The following MLLT1 variants were observed in gnomAD, a reference collection of about 807,000 sequenced individuals.
The protein encoded by MLLT1 is protein ENL.
A neutral mutation model predicts 55.1 loss-of-function variants in MLLT1; 11 were observed. The ratio of observed to expected loss-of-function variants is 0.20; its 90% CI spans 0.13 to 0.33. The LOEUF (loss-of-function observed/expected upper bound fraction) is 0.33, where lower values mean the gene tolerates loss of function less well. Ranked by LOEUF, MLLT1 falls within the 10% of genes least tolerant of loss-of-function variation. MLLT1 has a pLI of 1.00. For missense variants in MLLT1, 536 were observed against 760.6 expected (o/e 0.70, Z 3.47); for synonymous variants, 323 against 320.1 (o/e 1.01, Z -0.10).
intron 5 of MLLT1, among the ~76,000 whole-genome samples, chr19:6,223,846 C>T (rs1417017517): frequency 1.3e-5 from 2 of 152,192 alleles, no homozygotes; most frequent in Non-Finnish European, 2.9e-5. Flanking sequence ...TGTTAGCCAC[C>T]AGGGGCTCCA....
chr19:6,248,049 C>T (rs1409498855), intron 3 of MLLT1, among the ~76,000 whole-genome samples: 1 of 152,176 alleles, frequency 6.6e-6, no homozygotes, highest in Non-Finnish European at 1.5e-5. Flanking sequence ...CGCCACCACG[C>T]CCTGCTAATT....
chr19:6,250,068 A>G (rs1459652703), intron 3 of MLLT1, among the ~76,000 whole-genome samples: 1 of 152,218 alleles, frequency 6.6e-6, no homozygotes, highest in Non-Finnish European at 1.5e-5. Flanking sequence ...CTCAAAAAGA[A>G]AAACAACCCA....
rs2091048824 is a variant in MLLT1, at chr19:6,235,270, T to TGGCTGGGGGGCATCCTCGTGCAGAAA, written c.277-4583_277-4558dup. Among the ~76,000 whole-genome samples, 1 of 152,182 alleles carries TGGCTGGGGGGCATCCTCGTGCAGAAA rather than the reference T, an allele frequency of 6.6e-6. No individual in the cohort carries two copies. The highest frequency in any genetic ancestry group is 1.5e-5 in the Non-Finnish European group (1 of 68,022). ...AGCACGGCTGTGCAGAGGATGAACG[T>TGGCTGGGGGGCATCCTCGTGCAGAAA]GGCTGGGGGGCATCCTCGTGCAGAA... On this transcript the variant is annotated intron_variant, in intron 3 of 11. Transcript: ENST00000252674. This position sits in a 1 kb window ranked among gnomAD's most constrained non-coding sequence, Gnocchi z 5.5.
At chr19:6,252,930 T>C (rs2091229510) in intron 3 of MLLT1, among the ~76,000 whole-genome samples, 1 of 152,024 alleles carries the variant, frequency 6.6e-6, no homozygotes, top group African/African-American at 2.4e-5. Context: ...CTAGATAATG[T>C]AAATAAGACA....
chr19:6,254,440 C>T (rs1026142243), intron 3 of MLLT1, among the ~76,000 whole-genome samples: 25 of 152,208 alleles, frequency 1.6e-4, no homozygotes, highest in Admixed American at 1.6e-3. Flanking sequence ...GGGCAACACC[C>T]GATTTATGGC....
chr19:6,272,800 C>T (rs2144964432), intron 1 of MLLT1, among the ~76,000 whole-genome samples: 1 of 152,320 alleles, frequency 6.6e-6, no homozygotes, highest in African/African-American at 2.4e-5. Context: ...AAGGACAGGC[C>T]AGTTCCAGCA....
At chr19:6,249,154 A>G (rs1047994138) in intron 3 of MLLT1, among the ~76,000 whole-genome samples, 4 of 152,214 alleles carry the variant, frequency 2.6e-5, no homozygotes, top group African/African-American at 9.7e-5. Context: ...CTTGGTATGA[A>G]AAAAGAATGT....
At position 6,213,116 on chromosome 19, in the gene MLLT1, C is replaced by T; in HGVS notation, c.1606G>A (p.Asp536Asn). 4 of 1,613,938 alleles carry T rather than the reference C, an allele frequency of 2.5e-6. No individual in the cohort carries two copies. Among genetic ancestry groups the T allele is most frequent in the Non-Finnish European group, 3.4e-6 (4 of 1,179,890 alleles). The change falls in exon 12 of 12, where the codon GAC (aspartate) becomes AAC (asparagine). Residue 536 changes from aspartate (D) to asparagine (N), a missense_variant. Physicochemically the swap from Asp to Asn is conservative, Grantham distance 23 (BLOSUM62 1). Transcript: ENST00000252674. ...TCGTCCAGGGAGAAGAGGTCGAAGT[C>T]GAAGGTGGTGTTGGTGACATTGAAG... The part of the protein sequence containing the change: ...GHFNVTNTTF[D>N]FDLFSLDETT...
chr19:6,245,213 CTTT>C (rs1312263882), intron 3 of MLLT1, among the ~76,000 whole-genome samples: 5 of 133,996 alleles, frequency 3.7e-5, no homozygotes, highest in African/African-American at 1.4e-4. Flanking sequence ...TTTTTCCTTT[CTTT>C]CTTTCTTTCT....
chr19:6,233,985 G>A (rs1288362871), intron 3 of MLLT1, among the ~76,000 whole-genome samples: 1 of 151,320 alleles, frequency 6.6e-6, no homozygotes, highest in Non-Finnish European at 1.5e-5. Context: ...AGCTGGCCTA[G>A]TTCCAAGTGA....
intron 3 of MLLT1, among the ~76,000 whole-genome samples, chr19:6,252,042 T>C (rs1314551012): frequency 6.6e-6 from 1 of 152,184 alleles, no homozygotes; most frequent in African/African-American, 2.4e-5. Flanking sequence ...GACACTGGCA[T>C]GTAAGTCGGG....
intron 8 of MLLT1, among the ~76,000 whole-genome samples, 174 bp from the exon 9 acceptor site, chr19:6,214,212 AAGAGG>A (rs1458710522): frequency 4.0e-5 from 6 of 151,570 alleles, no homozygotes; most frequent in Admixed American, 1.3e-4. Flanking sequence ...TGTGGCCACC[AAGAGG>A]AAAGAACCCC....
intron 1 of MLLT1, among the ~76,000 whole-genome samples, chr19:6,279,533 G>C (rs1264223936): frequency 6.6e-6 from 1 of 151,974 alleles, no homozygotes; most frequent in African/African-American, 2.4e-5. Flanking sequence ...GGTCACCAGG[G>C]GCGTCCCAAG....
chr19:6,260,983 T>C (rs2091299979), intron 3 of MLLT1, among the ~76,000 whole-genome samples: 1 of 152,208 alleles, frequency 6.6e-6, no homozygotes, highest in African/African-American at 2.4e-5. Flanking sequence ...AGAATACCAG[T>C]GCCTGGGCTG....
chr19:6,230,778 C>T lies in MLLT1; in HGVS notation c.277-65G>A. 6.3e-7 allele frequency: 1 copy of T among 1,590,978 alleles called. No individual in the cohort carries two copies. Among genetic ancestry groups the T allele is most frequent in the Non-Finnish European group, 8.6e-7 (1 of 1,165,556 alleles). ...GCCGTGGTGCAGGGACACAGCTCCC[C>T]ATTGGCCCTGGTCCTCCCCTCTCCC... On this transcript the variant is annotated intron_variant, in intron 3 of 11. Coordinates refer to ENST00000252674, the MANE Select transcript of MLLT1 (RefSeq NM_005934.4). The surrounding 1 kb of genome is among the most constrained non-coding windows in gnomAD (Gnocchi z 9.0).
Position 6,222,998 on chromosome 19 carries a change from G to A in MLLT1, c.547-314C>T, listed in dbSNP as rs139632332. Among the ~76,000 whole-genome samples, 3 of 152,264 alleles carry A rather than the reference G, an allele frequency of 2.0e-5. No homozygotes were observed. Among genetic ancestry groups the A allele is most frequent in the African/African-American group, 4.8e-5 (2 of 41,562 alleles). On this transcript the variant is annotated intron_variant, in intron 5 of 11. Coordinates refer to ENST00000252674, the MANE Select transcript of MLLT1 (RefSeq NM_005934.4). The surrounding 1 kb of genome is among the most constrained non-coding windows in gnomAD (Gnocchi z 4.1). ...GAGTCAGGCAGAGCATGGCCACTTC[G>A]CCCGCACCCGCCCGCCCTAACACCT...
rs189598973 is a variant in MLLT1 at position 6,231,284 on chromosome 19, C to T, written c.277-571G>A. Among the ~76,000 whole-genome samples, 74 of 152,310 alleles carry T rather than the reference C, an allele frequency of 4.9e-4. No homozygotes were observed. The highest frequency in any genetic ancestry group is 3.4e-3 in the Middle Eastern group (1 of 294). On this transcript the variant is annotated intron_variant, in intron 3 of 11. Coordinates refer to ENST00000252674, the MANE Select transcript of MLLT1 (RefSeq NM_005934.4). This position sits in a 1 kb window ranked among gnomAD's most constrained non-coding sequence, Gnocchi z 5.1. Reference sequence around the variant, plus strand: ...CCCTCGCCACCCCAGAAGACAGGGACGCTCGCCTGGCATGGGGCAGGCGCT... The same window carrying T: ...CCCTCGCCACCCCAGAAGACAGGGATGCTCGCCTGGCATGGGGCAGGCGCT...
rs762647414 is a variant in MLLT1 at position 6,222,494 on chromosome 19, G to C, written c.737C>G (p.Pro246Arg). 1 of 1,597,070 alleles carries C rather than the reference G, an allele frequency of 6.3e-7. No homozygotes were observed. The highest frequency in any genetic ancestry group is 2.2e-5 in the East Asian group (1 of 44,816). The change falls in exon 6 of 12, where the codon CCG (proline) becomes CGG (arginine). Residue 246 changes from proline to arginine, a missense_variant. Around this residue, in one of 3 missense-constraint regions of MLLT1, gnomAD observed 449 missense variants for 489.0 expected, o/e 0.92. Transcript: ENST00000252674. This position sits in a 1 kb window ranked among gnomAD's most constrained non-coding sequence, Gnocchi z 4.1. ...GGGTTCCTTGAAGGCAGCCTTGGGC[G>C]GTGGCGCCTTCTCCTCCTTGGGCAG... ...GRLPKEEKAP[P>R]PKAAFKEPKM...
rs2090916558 is a variant in MLLT1, at chr19:6,222,866, C to G, written c.547-182G>C. Among the ~76,000 whole-genome samples, 1 of 152,202 alleles carries G rather than the reference C, an allele frequency of 6.6e-6. No homozygotes were observed. The highest frequency in any genetic ancestry group is 2.1e-4 in the South Asian group (1 of 4,832). ...AGGTGAGAGTTTTACATGGAGCTGT[C>G]CCTTTAAACTACTAGGAAGTGTCAG... On this transcript the variant is annotated intron_variant, in intron 5 of 11. Coordinates refer to ENST00000252674, the MANE Select transcript of MLLT1 (RefSeq NM_005934.4). The surrounding 1 kb of genome is among the most constrained non-coding windows in gnomAD (Gnocchi z 4.1).
Sources: gnomAD v4.1 joint callset for allele counts (sites outside exome capture counted in the v4.1 genomes callset) on GRCh38, gnomAD v4.1.1 for gene constraint, gnomAD v4.1.1 regional missense constraint, Gnocchi (gnomAD v3.1) non-coding constraint, MANE v1.5 for transcripts, NCBI Gene and HGNC (gene_info 2026-07-23, HGNC 2026-07-21) for gene names.